The following ELF2 variants were observed in gnomAD, a reference collection of about 807,000 sequenced individuals.
ELF2 encodes the protein E74 like ETS transcription factor 2.
Under a neutral mutation model 54.8 loss-of-function variants are expected in ELF2, and 11 were observed. The observed-to-expected ratio is 0.20, with a 90% CI of 0.13 to 0.33. The LOEUF (loss-of-function observed/expected upper bound fraction) is 0.33. Ranked by LOEUF, ELF2 falls within the 10% of genes least tolerant of loss-of-function variation. The pLI is 1.00. For missense variants in ELF2, 513 were observed against 703.0 expected (o/e 0.73, Z 3.06); for synonymous variants, 203 against 245.1 (o/e 0.83, Z 1.61).
intron 4 of ELF2, among the ~76,000 whole-genome samples, chr4:139,112,409 A>G (rs1735045271): frequency 6.6e-6 from 1 of 152,232 alleles, no homozygotes; most frequent in South Asian, 2.1e-4. Context: ...AAGCCTGGTG[A>G]GGGCAAAGAG....
At chr4:139,069,561 G>A (rs1208253926) in intron 6 of ELF2, among the ~76,000 whole-genome samples, 3 of 152,126 alleles carry the variant, frequency 2.0e-5, no homozygotes, top group East Asian at 1.9e-4. Context: ...AAAGCGGCAC[G>A]TCCAAAGTCA....
chr4:139,158,322 G>C (rs1365525782), intron 1 of ELF2, among the ~76,000 whole-genome samples: 2 of 152,170 alleles, frequency 1.3e-5, no homozygotes, highest in Non-Finnish European at 2.9e-5. Context: ...GGATGTATAC[G>C]TGCAGGTCAC....
At chr4:139,168,013 T>C (rs1414489312) in intron 1 of ELF2, among the ~76,000 whole-genome samples, 1 of 152,234 alleles carries the variant, frequency 6.6e-6, no homozygotes, top group Non-Finnish European at 1.5e-5. Context: ...GATCCTTCAG[T>C]CCACCTAGTG....
chr4:139,167,071 G>A (rs978055621), intron 1 of ELF2, among the ~76,000 whole-genome samples: 3 of 152,022 alleles, frequency 2.0e-5, no homozygotes, highest in African/African-American at 7.2e-5. Flanking sequence ...CTCCCTACTT[G>A]ATCCCTCTGC....
At chr4:139,151,000 G>A (rs536934317) in intron 1 of ELF2, among the ~76,000 whole-genome samples, 1 of 131,174 alleles carries the variant, frequency 7.6e-6, no homozygotes, top group African/African-American at 3.2e-5. Context: ...CTCCAGCTTA[G>A]GTGACGGAAC....
intron 1 of ELF2, among the ~76,000 whole-genome samples, chr4:139,150,793 CGT>C (rs1356590102): frequency 6.6e-6 from 1 of 151,780 alleles, no homozygotes; most frequent in Non-Finnish European, 1.5e-5. Context: ...GAGGCTGAGG[CGT>C]GTGGATCACA....
At chr4:139,118,187 A>G (rs1735949608) in intron 4 of ELF2, among the ~76,000 whole-genome samples, 1 of 152,196 alleles carries the variant, frequency 6.6e-6, no homozygotes, top group South Asian at 2.1e-4. Flanking sequence ...AGGTGCTTAT[A>G]CACTCACTGG....
chr4:139,133,071 G>A (rs1020103488), intron 3 of ELF2, among the ~76,000 whole-genome samples: 4 of 151,470 alleles, frequency 2.6e-5, no homozygotes, highest in African/African-American at 7.3e-5. Flanking sequence ...ACAGGCACCC[G>A]CCACCATGCC....
At position 139,114,561 on chromosome 4, in the gene ELF2, T is replaced by TCCAGTCACACACACACA. The variant is rs70940492; in HGVS notation, c.238+10602_238+10603insTGTGTGTGTGTGACTGG. 1.3e-3 allele frequency among the ~76,000 whole-genome samples: 143 copies of TCCAGTCACACACACACA among 108,636 alleles called. 1 individual carries two copies. Among genetic ancestry groups the TCCAGTCACACACACACA allele is most frequent in the African/African-American group, 4.8e-3 (136 of 28,168 alleles). 71.3% of individuals were successfully genotyped at this position (108,636 alleles called of 152,430 possible). A position where few individuals can be genotyped will look rare whatever the true frequency, so the allele number is the denominator to read the frequency against. On this transcript the variant is annotated intron_variant, in intron 4 of 9. Coordinates refer to ENST00000686138, the MANE Select transcript of ELF2 (RefSeq NM_001331036.3). ...CTGGCAACAGAGCGAGACTTCAGTC[T>TCCAGTCACACACACACA]CACACACACACACACACACACACAC...
rs1578642667 is a variant in ELF2 at position 139,058,141 on chromosome 4, T to A, written c.*842A>T. 1 of 152,498 alleles carries A rather than the reference T, an allele frequency of 6.6e-6. No homozygotes were observed. Among genetic ancestry groups the A allele is most frequent in the Non-Finnish European group, 1.5e-5 (1 of 68,002 alleles). The allele number at this position is 152,498 out of a possible 1,614,324, so 9.4% of individuals were successfully genotyped here. On this transcript the variant is annotated 3_prime_UTR_variant, in exon 10 of 10. Transcript: ENST00000686138. Reference sequence around the variant, plus strand: ...TGCACAAATGCCAAGGCTAAGTGAGTGACACAGGCATGTTACAGCAAAAGG... The same window carrying A: ...TGCACAAATGCCAAGGCTAAGTGAGAGACACAGGCATGTTACAGCAAAAGG...
At position 139,067,652 on chromosome 4, in the gene ELF2, T is replaced by C. The variant is rs780100742; in HGVS notation, c.613+32A>G. ...ATGTCACCTAACTGAAAAAAAATCA[T>C]CTCACTTCCAAAGCAACCCTCCCCA... On this transcript the variant is annotated intron_variant, in intron 7 of 9. Transcript: ENST00000686138. 16 of 1,605,694 alleles carry C rather than the reference T, an allele frequency of 1.0e-5. No individual in the cohort carries two copies. The South Asian group carries it at 1.8e-4, about 18-fold the overall frequency.
intron 4 of ELF2, among the ~76,000 whole-genome samples, chr4:139,096,580 G>A (rs1181933223): frequency 1.3e-5 from 2 of 150,632 alleles, no homozygotes; most frequent in African/African-American, 2.4e-5. Flanking sequence ...TCCTGCCTCA[G>A]CTTCCTGGGT....
At chr4:139,089,981 G>A (rs779950015) in intron 4 of ELF2, among the ~76,000 whole-genome samples, 7 of 152,200 alleles carry the variant, frequency 4.6e-5, no homozygotes, top group Non-Finnish European at 1.0e-4. Context: ...TGAGGCTAGA[G>A]AATAGTGGCA....
chr4:139,100,025 G>A (rs1483196357), intron 4 of ELF2, among the ~76,000 whole-genome samples: 1 of 152,174 alleles, frequency 6.6e-6, no homozygotes, highest in African/African-American at 2.4e-5. Flanking sequence ...TTAATGGAAG[G>A]ATGAAAGGAG....
chr4:139,101,292 T>TA (rs1457776201), intron 4 of ELF2, among the ~76,000 whole-genome samples: 2 of 151,952 alleles, frequency 1.3e-5, no homozygotes, highest in Non-Finnish European at 2.9e-5. Flanking sequence ...CTAGTTCACA[T>TA]AAAAAAAACA....
chr4:139,067,509 C>T, intron 7 of ELF2, 175 bp downstream of exon 7: 2 of 589,616 alleles, frequency 3.4e-6, no homozygotes, highest in Middle Eastern at 3.8e-4. Context: ...GAACTGGGCA[C>T]AGATATTTTG....
chr4:139,087,267 CATTA>C lies in ELF2; in HGVS notation c.239-13704_239-13701del, dbSNP rs368948011. The stretch of plus-strand genomic sequence containing the variant: ...CTGTCAGCTAAGTATTGCAGCTAGT[CATTA>C]ATTAATTCAGTAATTCATTCATTTA... On this transcript the variant is annotated intron_variant, in intron 4 of 9. Coordinates refer to ENST00000686138, the MANE Select transcript of ELF2 (RefSeq NM_001331036.3). Among the ~76,000 whole-genome samples the C allele has an allele frequency of 4.7e-4, 71 of 152,300 alleles. No individual in the cohort carries two copies. The East Asian group carries it at 0.013, about 28-fold the overall frequency.
chr4:139,115,194 A>G (rs1292177040), intron 4 of ELF2: 2 of 1,611,732 alleles, frequency 1.2e-6, no homozygotes, highest in East Asian at 2.2e-5. Flanking sequence ...CCTTGCGGTC[A>G]TACTTGACGG....
At chr4:139,104,275 C>T (rs1266954591) in intron 4 of ELF2, among the ~76,000 whole-genome samples, 2 of 151,936 alleles carry the variant, frequency 1.3e-5, no homozygotes, top group African/African-American at 4.8e-5. Flanking sequence ...TTTGGGAGGC[C>T]GAGGTGGGCA....
Sources: allele counts gnomAD v4.1 joint callset (sites outside exome capture counted in the v4.1 genomes callset), GRCh38; gene constraint gnomAD v4.1.1; transcripts MANE v1.5; gene names NCBI Gene and HGNC (gene_info 2026-07-23, HGNC 2026-07-21).